PTPRT: variants seen among roughly 807,000 people sequenced by gnomAD.
The protein encoded by PTPRT is protein tyrosine phosphatase receptor type T, also known as receptor-type tyrosine-protein phosphatase T.
A neutral mutation model predicts 176.8 loss-of-function variants in PTPRT; 56 were observed. That is an observed-to-expected ratio of 0.32 (90% CI 0.26 to 0.40). The LOEUF (loss-of-function observed/expected upper bound fraction) is 0.40. PTPRT is among the 10% of genes least tolerant of loss of function. PTPRT has a pLI of 1.00. For missense variants in PTPRT, 1,540 were observed against 1,908.2 expected, an observed-to-expected ratio of 0.81 and a Z score of 3.60; for synonymous variants, 783 against 739.0, an observed-to-expected ratio of 1.06 and a Z score of -0.96.
rs79058841 is a variant in PTPRT at position 42,623,701 on chromosome 20, G to A, written c.1153+54165C>T. ...ACTCTGGCATATTCACTTCATCCAC[G>A]TGCTTCTTCTGGGACCCCTTGTTTT... On this transcript the variant is annotated intron_variant, in intron 7 of 30. Transcript: ENST00000373187. Among the ~76,000 whole-genome samples the A allele has an allele frequency of 4.5e-3, 690 of 152,156 alleles. 6 individuals are homozygous for A. The highest frequency in any genetic ancestry group is 0.016 in the African/African-American group (646 of 41,490).
In PTPRT at chr20:42,736,618, G is replaced by A. The variant is rs1029458629; in HGVS notation, c.859+19844C>T. ...CTTGGATAACAAGGGTGGTGGCATT[G>A]GGGAATTAGAATTTGTGTGGTCAAG... is the stretch of plus-strand genomic sequence containing the variant. On this transcript the variant is annotated intron_variant, in intron 6 of 30. Coordinates refer to ENST00000373187, the MANE Select transcript of PTPRT (RefSeq NM_007050.6). Among the ~76,000 whole-genome samples the A allele has an allele frequency of 9.2e-5, 14 of 152,298 alleles. No individual in the cohort carries two copies. In the South Asian group the frequency reaches 1.0e-3, roughly 11 times the overall value.
At position 43,164,177 on chromosome 20, in the gene PTPRT, A is replaced by G. The variant is rs566501261; in HGVS notation, c.88+25469T>C. Among the ~76,000 whole-genome samples, 21 of 152,356 alleles carry G rather than the reference A, an allele frequency of 1.4e-4. 1 individual carries two copies. The East Asian group carries it at 3.1e-3, about 22-fold the overall frequency. On this transcript the variant is annotated intron_variant, in intron 1 of 30. Coordinates refer to ENST00000373187, the MANE Select transcript of PTPRT (RefSeq NM_007050.6). ...ATTATCTCAGCTTACTGAAAATACA[A>G]TTCATGCAAAGGAGAAAACGAGTTT...
intron 7 of PTPRT, among the ~76,000 whole-genome samples, chr20:42,531,712 G>T (rs993562672): frequency 2.1e-4 from 32 of 152,300 alleles, no homozygotes; most frequent in African/African-American, 7.2e-4. Flanking sequence ...CCAGTGCTCC[G>T]GGAAGTACCT....
chr20:42,994,621 A>G (rs1470521590), intron 1 of PTPRT, among the ~76,000 whole-genome samples: 1 of 152,224 alleles, frequency 6.6e-6, no homozygotes, highest in East Asian at 1.9e-4. Context: ...TTGGTATTGC[A>G]GTATAACCAA....
intron 18 of PTPRT, among the ~76,000 whole-genome samples, chr20:42,138,163 A>G (rs1988458907): frequency 6.6e-6 from 1 of 152,236 alleles, no homozygotes; most frequent in South Asian, 2.1e-4. Flanking sequence ...GTTCCCAGGT[A>G]ACACTAATGC....
At chr20:42,145,250 C>G (rs920199739) in intron 17 of PTPRT, among the ~76,000 whole-genome samples, 1 of 152,226 alleles carries the variant, frequency 6.6e-6, no homozygotes, top group Admixed American at 6.5e-5. Flanking sequence ...GCCTGTAATC[C>G]CAGCACTTTG....
intron 2 of PTPRT, among the ~76,000 whole-genome samples, chr20:42,881,503 T>C (rs2079009236): frequency 6.6e-6 from 1 of 151,590 alleles, no homozygotes; most frequent in Non-Finnish European, 1.5e-5. Context: ...GGCGGAAGGA[T>C]CAACTGAGGT....
chr20:42,142,046 G>A, intron 17 of PTPRT, 44 bp from the exon 18 acceptor site: 1 of 1,543,516 alleles, frequency 6.5e-7, no homozygotes, highest in Non-Finnish European at 9.0e-7. Context: ...TGAGATAGGA[G>A]CTTTATGGAA....
the PTPRT span, among the ~76,000 whole-genome samples, chr20:42,057,732 A>T: frequency 6.6e-6 from 1 of 151,942 alleles, no homozygotes; most frequent in African/African-American, 2.4e-5. Context: ...AGGACTACAG[A>T]TAAACACCTC....
At chr20:42,418,428 C>A (rs2145760359) in intron 9 of PTPRT, among the ~76,000 whole-genome samples, 1 of 152,302 alleles carries the variant, frequency 6.6e-6, no homozygotes, top group Non-Finnish European at 1.5e-5. Flanking sequence ...ACCACATTAT[C>A]AGCCTTACTT....
intron 7 of PTPRT, among the ~76,000 whole-genome samples, chr20:42,478,998 G>A (rs1051155301): frequency 6.6e-6 from 1 of 152,210 alleles, no homozygotes; most frequent in African/African-American, 2.4e-5. Context: ...AATAAGTAGA[G>A]GGTTGAATCA....
intron 1 of PTPRT, among the ~76,000 whole-genome samples, chr20:42,937,035 C>T (rs529083246): frequency 6.6e-6 from 1 of 152,300 alleles, no homozygotes; most frequent in African/African-American, 2.4e-5. Context: ...TGCCTAACAC[C>T]TCCTAAGTCC....
intron 7 of PTPRT, among the ~76,000 whole-genome samples, chr20:42,529,012 C>A (rs1000717808): frequency 6.6e-6 from 1 of 152,126 alleles, no homozygotes; most frequent in Admixed American, 6.5e-5. Context: ...TCTTTTTGAA[C>A]CATTGTATGC....
chr20:43,172,248 T>C (rs1385544202), intron 1 of PTPRT, among the ~76,000 whole-genome samples: 4 of 152,206 alleles, frequency 2.6e-5, no homozygotes, highest in Non-Finnish European at 5.9e-5. Flanking sequence ...GTTCCACTAG[T>C]GGGATAATTT....
chr20:43,083,664 T>C (rs1218714395), intron 1 of PTPRT, among the ~76,000 whole-genome samples: 4 of 151,912 alleles, frequency 2.6e-5, no homozygotes, highest in Non-Finnish European at 5.9e-5. Context: ...CAGCCTTAAA[T>C]GTATAATTTA....
intron 8 of PTPRT, among the ~76,000 whole-genome samples, chr20:42,455,967 T>C (rs900505216): frequency 3.9e-5 from 6 of 152,072 alleles, no homozygotes; most frequent in Non-Finnish European, 8.8e-5. Context: ...ATGTTTGGTT[T>C]TTGAATTTTA....
intron 4 of PTPRT, among the ~76,000 whole-genome samples, chr20:42,779,313 G>T (rs1191946655): frequency 6.6e-6 from 1 of 152,192 alleles, no homozygotes; most frequent in African/African-American, 2.4e-5. Context: ...CTGCACCATA[G>T]CCCAAAGCAT....
At chr20:42,817,572 T>C (rs750368438) in intron 2 of PTPRT, among the ~76,000 whole-genome samples, 2 of 152,250 alleles carry the variant, frequency 1.3e-5, no homozygotes, top group East Asian at 3.8e-4. Context: ...CCTTTTGTTA[T>C]GATTTCAGCA....
At chr20:42,250,285 T>G (rs958503043) in intron 13 of PTPRT, among the ~76,000 whole-genome samples, 1 of 152,196 alleles carries the variant, frequency 6.6e-6, no homozygotes, top group African/African-American at 2.4e-5. Flanking sequence ...CCTAAATGTT[T>G]GTGGTTGTTT....
Sources: allele counts gnomAD v4.1 joint callset (sites outside exome capture counted in the v4.1 genomes callset), GRCh38; gene constraint gnomAD v4.1.1; transcripts MANE v1.5; gene names NCBI Gene and HGNC (gene_info 2026-07-23, HGNC 2026-07-21).